Variants in NRXN3 observed in about 807,000 individuals in gnomAD.
The protein encoded by NRXN3 is neurexin 3.
A neutral mutation model predicts 137.6 loss-of-function variants in NRXN3; 32 were observed. That is an observed-to-expected ratio of 0.23 (90% confidence interval 0.18 to 0.31). The LOEUF (loss-of-function observed/expected upper bound fraction) is 0.31. NRXN3 is among the 10% of genes least tolerant of loss of function. The pLI, the probability that NRXN3 is intolerant of heterozygous loss-of-function variation, is 1.00. For missense variants in NRXN3, 1,574 were observed against 2,062.5 expected, an observed-to-expected ratio of 0.76 and a Z score of 4.59; for synonymous variants, 798 against 784.5, an observed-to-expected ratio of 1.02 and a Z score of -0.29.
At chr14:78,951,402 C>A (rs955480972) in intron 10 of NRXN3, among the ~76,000 whole-genome samples, 1 of 152,052 alleles carries the variant, frequency 6.6e-6, no homozygotes, top group African/African-American at 2.4e-5. Flanking sequence ...CTCAGAGAAG[C>A]CTTCTCTGAT....
chr14:78,301,856 G>A (rs192559287), intron 4 of NRXN3, among the ~76,000 whole-genome samples: 1 of 152,324 alleles, frequency 6.6e-6, no homozygotes, highest in East Asian at 1.9e-4. Flanking sequence ...CCACTTTGGG[G>A]TTGGTTGATT....
At chr14:78,989,792 C>T (rs368051551) in intron 15 of NRXN3, among the ~76,000 whole-genome samples, 7 of 152,242 alleles carry the variant, frequency 4.6e-5, no homozygotes, top group African/African-American at 1.2e-4. Flanking sequence ...GTCGCATATA[C>T]GTCCCTTTCT....
At chr14:78,911,013 G>A (rs1373159586) in intron 10 of NRXN3, among the ~76,000 whole-genome samples, 1 of 151,838 alleles carries the variant, frequency 6.6e-6, no homozygotes, top group African/African-American at 2.4e-5. Flanking sequence ...TCAGAGTTCT[G>A]GTATTCCTAT....
intron 16 of NRXN3, among the ~76,000 whole-genome samples, chr14:79,631,042 C>G (rs1410738123): frequency 6.6e-6 from 1 of 152,162 alleles, no homozygotes; most frequent in Non-Finnish European, 1.5e-5. Context: ...GTGTAATGCA[C>G]TAGCTAAAAT....
intron 15 of NRXN3, chr14:79,280,275 G>A: frequency 6.2e-7 from 1 of 1,613,648 alleles, no homozygotes. Context: ...CATCTGTAGT[G>A]GTCCCGTGCG....
intron 15 of NRXN3, among the ~76,000 whole-genome samples, chr14:79,290,171 A>T (rs549782982): frequency 6.6e-6 from 1 of 152,312 alleles, no homozygotes; most frequent in East Asian, 1.9e-4. Flanking sequence ...GCTACATAAA[A>T]AACTAATGGA....
At position 79,739,648 on chromosome 14, in the gene NRXN3, C is replaced by CAAAAAAAAAAAA. The variant is rs72347811; in HGVS notation, c.4014+41729_4014+41740dup. On this transcript the variant is annotated intron_variant, in intron 19 of 20. Transcript: ENST00000335750. ...TGGGTGACAGAACGAGACTCTGCCT[C>CAAAAAAAAAAAA]AAAAAAAAAAAAAAAAAAAAAAAAA... is the stretch of plus-strand genomic sequence containing the variant. 1.1e-3 allele frequency among the ~76,000 whole-genome samples: 35 copies of CAAAAAAAAAAAA among 31,822 alleles called. 3 individuals are homozygous for CAAAAAAAAAAAA. The highest frequency in any genetic ancestry group is 1.3e-3 in the Non-Finnish European group (24 of 18,268). The allele number at this position is 31,822 out of a possible 152,430, so 20.9% of individuals were successfully genotyped here. A position where few individuals can be genotyped will look rare whatever the true frequency, so the allele number is the denominator to read the frequency against.
intron 15 of NRXN3, among the ~76,000 whole-genome samples, chr14:79,154,084 CT>C (rs2060037759): frequency 6.6e-6 from 1 of 151,952 alleles, no homozygotes; most frequent in Non-Finnish European, 1.5e-5. Context: ...TCTTTTATGA[CT>C]TTTACTTTAC....
chr14:79,854,069 G>A (rs2099397358), intron 20 of NRXN3: 10 of 984,354 alleles, frequency 1.0e-5, no homozygotes, highest in South Asian at 9.4e-5. Context: ...TGAAAAATTA[G>A]ACATTTTGCT....
intron 15 of NRXN3, among the ~76,000 whole-genome samples, chr14:79,047,879 ATAGT>A (rs1461899949): frequency 1.3e-5 from 2 of 152,194 alleles, no homozygotes; most frequent in Non-Finnish European, 2.9e-5. Flanking sequence ...AGTTTTTAAT[ATAGT>A]TAAACATAAA....
chr14:79,363,601 GAAA>G lies in NRXN3; in HGVS notation c.3263-103606_3263-103604del, dbSNP rs35899846. ...ACAGTTGCTCCTTCTACTTTCTTAA[GAAA>G]AAAAAAAAAAAAATCCAAATGGAAA... On this transcript the variant is annotated intron_variant, in intron 15 of 20. Coordinates refer to ENST00000335750, the MANE Select transcript of NRXN3 (RefSeq NM_001330195.2). 2.9e-3 allele frequency among the ~76,000 whole-genome samples: 356 copies of G among 124,790 alleles called. 3 individuals carry two copies. Among genetic ancestry groups the G allele is most frequent in the Middle Eastern group, 8.3e-3 (2 of 240 alleles). The allele number at this position is 124,790 out of a possible 152,430, so 81.9% of individuals were successfully genotyped here.
At chr14:78,264,457 T>G (rs1567117940) in intron 2 of NRXN3, among the ~76,000 whole-genome samples, 1 of 152,208 alleles carries the variant, frequency 6.6e-6, no homozygotes, top group Non-Finnish European at 1.5e-5. Context: ...AAATCCTCTC[T>G]TGTGGAAAAT....
intron 15 of NRXN3, among the ~76,000 whole-genome samples, chr14:79,213,208 G>A (rs563988140): frequency 6.3e-4 from 96 of 152,124 alleles, no homozygotes; most frequent in Non-Finnish European, 1.2e-3. Context: ...CAAAGTGAGT[G>A]GTAAAGGTGT....
intron 16 of NRXN3, among the ~76,000 whole-genome samples, chr14:79,467,792 C>T (rs968103717): frequency 6.6e-6 from 1 of 152,134 alleles, no homozygotes; most frequent in Non-Finnish European, 1.5e-5. Context: ...GGCAAACCTT[C>T]TGTAAAGAGA....
intron 17 of NRXN3, among the ~76,000 whole-genome samples, chr14:79,664,406 G>A (rs1183599485): frequency 6.6e-6 from 1 of 152,122 alleles, no homozygotes; most frequent in East Asian, 1.9e-4. Context: ...TGAAGACACA[G>A]ATCAAGTCAT....
intron 4 of NRXN3, among the ~76,000 whole-genome samples, chr14:78,469,838 T>G (rs2095222387): frequency 6.6e-6 from 1 of 152,254 alleles, no homozygotes; most frequent in Non-Finnish European, 1.5e-5. Flanking sequence ...GTCTGAGATC[T>G]CAGTATTTGT....
chr14:78,467,835 C>T (rs2095155472), intron 4 of NRXN3, among the ~76,000 whole-genome samples: 1 of 152,186 alleles, frequency 6.6e-6, no homozygotes, highest in Non-Finnish European at 1.5e-5. Context: ...CACACATACA[C>T]ACACACCACA....
intron 19 of NRXN3, among the ~76,000 whole-genome samples, chr14:79,749,841 CA>C (rs2098991744): frequency 6.6e-6 from 1 of 152,050 alleles, no homozygotes; most frequent in African/African-American, 2.4e-5. Flanking sequence ...GAGGTTATAT[CA>C]TGTTCATCAC....
intron 15 of NRXN3, among the ~76,000 whole-genome samples, chr14:79,064,125 A>G (rs1044013032): frequency 6.6e-6 from 1 of 152,074 alleles, no homozygotes; most frequent in African/African-American, 2.4e-5. Flanking sequence ...CTACTAATCA[A>G]TTTCTCATAA....
Sources: gnomAD v4.1 joint callset for allele counts (sites outside exome capture counted in the v4.1 genomes callset) on GRCh38, gnomAD v4.1.1 for gene constraint, MANE v1.5 for transcripts, NCBI Gene and HGNC (gene_info 2026-07-23, HGNC 2026-07-21) for gene names.